PLA2R1: variants seen among roughly 807,000 people sequenced by gnomAD.
PLA2R1 encodes the protein secretory phospholipase A2 receptor.
In PLA2R1, 158 loss-of-function variants were observed where a neutral mutation model predicts 195.9. That is an observed-to-expected ratio of 0.81 (90% CI 0.71 to 0.92). The LOEUF (loss-of-function observed/expected upper bound fraction) is 0.92, where lower values mean the gene tolerates loss of function less well. PLA2R1 is among the 40% of genes least tolerant of loss of function. PLA2R1 has a pLI of 0.00. For synonymous variants in PLA2R1, 586 were observed against 598.2 expected (o/e 0.98, Z 0.30); for missense variants, 1,626 against 1,764.6 (o/e 0.92, Z 1.41).
downstream of PLA2R1, among the ~76,000 whole-genome samples, chr2:159,927,280 C>T (rs1686517910): frequency 6.6e-6 from 1 of 152,178 alleles, no homozygotes; most frequent in Non-Finnish European, 1.5e-5. Context: ...AAAAAAGACT[C>T]TTTTAAAGTT....
At chr2:159,959,668 C>A (rs186320621) in intron 20 of PLA2R1, among the ~76,000 whole-genome samples, 158 of 152,218 alleles carry the variant, frequency 1.0e-3, no homozygotes, top group Non-Finnish European at 2.0e-3. Flanking sequence ...CAGTTCCCTC[C>A]AAACTTGGTC....
chr2:160,054,455 TAA>T (rs1215506899), intron 1 of PLA2R1, among the ~76,000 whole-genome samples: 2 of 152,204 alleles, frequency 1.3e-5, no homozygotes, highest in Admixed American at 1.3e-4. Context: ...TATAGTTAAA[TAA>T]TTACTTTGAG....
At chr2:160,020,030 C>T (rs1693004078) in intron 8 of PLA2R1, 76 bp downstream of exon 8, 1 of 1,115,644 alleles carries the variant, frequency 9.0e-7, no homozygotes, top group Non-Finnish European at 1.3e-6. Context: ...GTCTCTGCCA[C>T]AGCCCAAAGC....
rs138665437 is a variant in PLA2R1 at position 159,956,596 on chromosome 2, C to T, written c.2936G>A (p.Ser979Asn). 117 of 1,612,562 alleles carry T rather than the reference C, an allele frequency of 7.3e-5. No individual in the cohort carries two copies. The highest frequency in any genetic ancestry group is 9.5e-5 in the Non-Finnish European group (112 of 1,178,774). ...AGCATGCGTCCAGTTCTTCCAACTG[C>T]TTGGGTCTTTGGGGATATTCAGCAG... ...CLLLNIPKDPSSWKNWTHAQH... is the reference protein window; with the variant it reads ...CLLLNIPKDPNSWKNWTHAQH... Residue 979 changes from serine to asparagine, a missense_variant, in exon 21 of 30, where the codon AGC becomes AAC. By Grantham distance (46) the Ser-to-Asn change is conservative (BLOSUM62 1). Coordinates refer to ENST00000283243, the MANE Select transcript of PLA2R1 (RefSeq NM_007366.5).
At chr2:160,037,672 C>A (rs1440050467) in intron 3 of PLA2R1, among the ~76,000 whole-genome samples, 1 of 152,102 alleles carries the variant, frequency 6.6e-6, no homozygotes, top group African/African-American at 2.4e-5. Context: ...CTGACCACTC[C>A]CTCTCCCCTT....
chr2:159,947,208 T>C (rs558201835), intron 26 of PLA2R1, among the ~76,000 whole-genome samples: 1 of 152,326 alleles, frequency 6.6e-6, no homozygotes, highest in Non-Finnish European at 1.5e-5. Flanking sequence ...TGAGACATCA[T>C]CTTAGGTTTC....
intron 23 of PLA2R1, among the ~76,000 whole-genome samples, chr2:159,953,221 C>T (rs1687870098): frequency 1.3e-5 from 2 of 152,168 alleles, no homozygotes; most frequent in Non-Finnish European, 2.9e-5. Context: ...CATGGTTTTG[C>T]CACCCATTGC....
intron 1 of PLA2R1, among the ~76,000 whole-genome samples, chr2:160,051,487 G>A (rs1022115305): frequency 1.3e-5 from 2 of 152,214 alleles, no homozygotes; most frequent in African/African-American, 4.8e-5. Context: ...GAAGGAAATG[G>A]GGAGGGCATC....
At chr2:160,013,701 CTG>C (rs1553462074) in intron 9 of PLA2R1, among the ~76,000 whole-genome samples, 3,395 of 129,848 alleles carry the variant, frequency 0.026, 66 homozygotes, top group East Asian at 0.064. Context: ...CTCTCTCTCT[CTG>C]TCTCTCTCTC....
intron 10 of PLA2R1, among the ~76,000 whole-genome samples, chr2:160,011,009 G>C (rs947293840): frequency 6.6e-6 from 1 of 152,044 alleles, no homozygotes; most frequent in African/African-American, 2.4e-5. Context: ...CCAAGACTGG[G>C]ATAAAAACAA....
intron 13 of PLA2R1, among the ~76,000 whole-genome samples, chr2:159,980,811 C>G (rs1560172734): frequency 6.6e-6 from 1 of 152,198 alleles, no homozygotes; most frequent in Non-Finnish European, 1.5e-5. Context: ...GATGTCAGGA[C>G]AGATACTTTA....
Position 160,042,044 on chromosome 2 carries a change from C to A in PLA2R1, c.648G>T (p.Trp216Cys). The A allele has an allele frequency of 1.2e-6, 2 of 1,613,686 alleles. No homozygotes were observed. Among genetic ancestry groups the A allele is most frequent in the African/African-American group, 2.7e-5 (2 of 75,062 alleles). The change falls in exon 3 of 30, where the codon TGG becomes TGT. Residue 216 changes from tryptophan (W) to cysteine (C), a missense_variant. Trp to Cys is a radical substitution (Grantham distance 215). Transcript: ENST00000283243. ...TTSRYERDEK[W>C]GFCPDPTSAE... ...TCTTACTGGGATCAGGGCAAAATCC[C>A]CACTTTTCATCTCTTTCATAACGGC...
rs1297188507 is a variant in PLA2R1 at position 159,949,541 on chromosome 2, T to C, written c.3709+67A>G. On this transcript the variant is annotated intron_variant, in intron 25 of 29. Transcript: ENST00000283243. ...TATACTCATCCTCATATCCTTTGCT[T>C]AGCACAGTGTCTTGCATACAGTAGT... The C allele has an allele frequency of 4.2e-6, 5 of 1,185,880 alleles. No individual in the cohort carries two copies. In the African/African-American group the frequency reaches 7.5e-5, roughly 18 times the overall value. The allele number at this position is 1,185,880 out of a possible 1,614,324, so 73.5% of individuals were successfully genotyped here. A position where few individuals can be genotyped will look rare whatever the true frequency, so the allele number is the denominator to read the frequency against.
At chr2:159,942,074 T>C in intron 29 of PLA2R1, 53 bp downstream of exon 29, 1 of 1,581,958 alleles carries the variant, frequency 6.3e-7, no homozygotes, top group East Asian at 2.2e-5. Flanking sequence ...AGCTGCTTTC[T>C]ATCTTATTAT....
chr2:160,009,915 C>T (rs979026987), intron 10 of PLA2R1, among the ~76,000 whole-genome samples: 1 of 151,732 alleles, frequency 6.6e-6, no homozygotes, highest in African/African-American at 2.4e-5. Context: ...CAAGACCAGC[C>T]ATGGCAACAT....
intron 20 of PLA2R1, among the ~76,000 whole-genome samples, chr2:159,957,151 A>G (rs1163498111): frequency 6.6e-6 from 1 of 152,194 alleles, no homozygotes; most frequent in Admixed American, 6.5e-5. Context: ...TATTGGGAAG[A>G]GCCAGAGAAG....
intron 2 of PLA2R1, 79 bp from the exon 3 acceptor site, chr2:160,042,277 T>A: frequency 7.9e-7 from 1 of 1,264,500 alleles, no homozygotes; most frequent in Non-Finnish European, 1.1e-6. Context: ...TCGAAAGCAT[T>A]TTTTATGGAC....
At chr2:159,979,724 T>C (rs1469817313) in intron 14 of PLA2R1, 106 bp downstream of exon 14, 1 of 619,444 alleles carries the variant, frequency 1.6e-6, no homozygotes, top group Non-Finnish European at 2.9e-6. Context: ...AGTTTTGTCA[T>C]GGGAGCTCTG....
intron 25 of PLA2R1, among the ~76,000 whole-genome samples, chr2:159,948,223 TA>T (rs1431220696): frequency 1.3e-5 from 2 of 152,058 alleles, no homozygotes; most frequent in East Asian, 1.9e-4. Context: ...CCTTTAAAAA[TA>T]TTTTTTTTAA....
Sources: allele counts gnomAD v4.1 joint callset (sites outside exome capture counted in the v4.1 genomes callset), GRCh38; gene constraint gnomAD v4.1.1; transcripts MANE v1.5; gene names NCBI Gene and HGNC (gene_info 2026-07-23, HGNC 2026-07-21).